Variants in FSCN3 observed in about 807,000 individuals in gnomAD.
FSCN3 encodes the protein fascin-3.
A neutral mutation model predicts 53.5 loss-of-function variants in FSCN3; 43 were observed. The observed-to-expected ratio is 0.80, with a 90% CI of 0.63 to 1.04. FSCN3 has a LOEUF of 1.04. Ranked by LOEUF, FSCN3 falls within the 50% of genes least tolerant of loss-of-function variation. The pLI is 0.00. For missense variants in FSCN3, 594 were observed against 646.5 expected (o/e 0.92, Z 0.88); for synonymous variants, 235 against 246.6 (o/e 0.95, Z 0.44).
chr7:127,594,083 AGTGTATGTGT>A (rs1794338836), intron 1 of FSCN3, 86 bp downstream of exon 1: 4 of 1,403,416 alleles, frequency 2.9e-6, no homozygotes, highest in African/African-American at 1.7e-5. Context: ...TGTGTGCGTG[AGTGTATGTGT>A]GTGTGTGTGT....
intron 6 of FSCN3, 44 bp downstream of exon 6, chr7:127,600,443 T>A: frequency 8.2e-7 from 1 of 1,223,082 alleles, no homozygotes; most frequent in Admixed American, 1.7e-5. Context: ...GCAGAAGCCA[T>A]GGGGCAAGAG....
chr7:127,596,211 T>C, intron 2 of FSCN3, 117 bp from the exon 3 acceptor site: 1 of 1,523,896 alleles, frequency 6.6e-7, no homozygotes, highest in East Asian at 2.3e-5. Context: ...AGACCTACCA[T>C]GGTCCAACAG....
rs1409910766 is a variant in FSCN3, at chr7:127,601,908, T to A, written c.*286T>A. On this transcript the variant is annotated 3_prime_UTR_variant, in exon 7 of 7. Coordinates refer to ENST00000265825, the MANE Select transcript of FSCN3 (RefSeq NM_020369.3). ...CAGGAGAGACCAAATGGCAAGCAGT[T>A]CTTCCACTGATCTTCCCCGTCCCCA... 6.6e-6 allele frequency: 1 copy of A among 152,244 alleles called. No individual in the cohort carries two copies. The highest frequency in any genetic ancestry group is 1.5e-5 in the Non-Finnish European group (1 of 68,066). 9.4% of individuals were successfully genotyped at this position (152,244 alleles called of 1,614,324 possible). A position where few individuals can be genotyped will look rare whatever the true frequency, so the allele number is the denominator to read the frequency against.
rs1794436572 is a variant in FSCN3 at position 127,599,370 on chromosome 7, A to G, written c.1121-11A>G. 6.2e-7 allele frequency: 1 copy of G among 1,609,366 alleles called. No individual in the cohort carries two copies. Among genetic ancestry groups the G allele is most frequent in the Non-Finnish European group, 8.5e-7 (1 of 1,176,216 alleles). On this transcript the variant is annotated splice_polypyrimidine_tract_variant and intron_variant, in intron 4 of 6. Coordinates refer to ENST00000265825, the MANE Select transcript of FSCN3 (RefSeq NM_020369.3). Reference sequence around the variant, plus strand: ...CAGCCCATCCAGATAACTCCTTCCTATTTCCTTCAGGCCCAAATGAGGAAT... The same window carrying G: ...CAGCCCATCCAGATAACTCCTTCCTGTTTCCTTCAGGCCCAAATGAGGAAT...
Position 127,598,575 on chromosome 7 carries a change from G to A in FSCN3, c.1101G>A (p.Met367Ile), listed in dbSNP as rs1360576712. 3 of 1,611,260 alleles carry A rather than the reference G, an allele frequency of 1.9e-6. No individual in the cohort carries two copies. Among genetic ancestry groups the A allele is most frequent in the Non-Finnish European group, 8.5e-7 (1 of 1,178,306 alleles). ...FLGIAPNSLLMANVILPGPNE... is the reference protein window; with the variant it reads ...FLGIAPNSLLIANVILPGPNE... ...GCATTGCACCCAACAGCCTGCTGATGGCCAATGTCATCCTTCCAGGTGAGT... is the reference window on the plus strand; with the variant it reads ...GCATTGCACCCAACAGCCTGCTGATAGCCAATGTCATCCTTCCAGGTGAGT... Residue 367 changes from methionine (M) to isoleucine (I), a missense_variant, in exon 4 of 7, where the codon ATG becomes ATA. Physicochemically the swap from Met to Ile is conservative, Grantham distance 10. Coordinates refer to ENST00000265825, the MANE Select transcript of FSCN3 (RefSeq NM_020369.3).
At chr7:127,600,426 T>C (rs1794456208) in intron 6 of FSCN3, 27 bp downstream of exon 6, 3 of 1,398,152 alleles carry the variant, frequency 2.1e-6, no homozygotes, top group Non-Finnish European at 3.0e-6. Context: ...GGTAAGGGGC[T>C]AGGGGAGCAG....
intron 4 of FSCN3, 97 bp from the exon 5 acceptor site, chr7:127,599,284 A>G: frequency 1.1e-6 from 1 of 873,224 alleles, no homozygotes; most frequent in Non-Finnish European, 1.9e-6. Context: ...TAAAATATTG[A>G]CCACACCCTT....
At chr7:127,598,787 C>T (rs1247719780) in intron 4 of FSCN3, among the ~76,000 whole-genome samples, 193 bp downstream of exon 4, 1 of 151,984 alleles carries the variant, frequency 6.6e-6, no homozygotes, top group Non-Finnish European at 1.5e-5. Flanking sequence ...ACGTGAAACC[C>T]CATCTCTACT....
chr7:127,596,573 A>G (rs141929867), intron 3 of FSCN3, 127 bp downstream of exon 3: 280 of 492,346 alleles, frequency 5.7e-4, no homozygotes, highest in Non-Finnish European at 8.0e-4. Flanking sequence ...TTGTTGATAA[A>G]CATTCATTTT....
intron 4 of FSCN3, among the ~76,000 whole-genome samples, chr7:127,599,038 T>A (rs1794431942): frequency 6.6e-6 from 1 of 151,996 alleles, no homozygotes; most frequent in Non-Finnish European, 1.5e-5. Context: ...ATTTTTGTCA[T>A]CACTTGAGCA....
chr7:127,596,193 T>C, intron 2 of FSCN3, 135 bp from the exon 3 acceptor site: 2 of 1,501,364 alleles, frequency 1.3e-6, no homozygotes, highest in Non-Finnish European at 1.8e-6. Flanking sequence ...GTTGCCTAGG[T>C]CTTCTCCAGA....
intron 3 of FSCN3, 60 bp downstream of exon 3, chr7:127,596,506 C>A: frequency 2.8e-6 from 2 of 719,590 alleles, no homozygotes; most frequent in South Asian, 1.8e-5. Context: ...CCTCCCTAGA[C>A]TTCCTTCTCC....
At chr7:127,599,906 C>G (rs1480578447) in intron 5 of FSCN3, among the ~76,000 whole-genome samples, 2 of 140,444 alleles carry the variant, frequency 1.4e-5, no homozygotes, top group African/African-American at 5.5e-5. Context: ...GATCACGCCA[C>G]AGCACTCCAG....
intron 6 of FSCN3, among the ~76,000 whole-genome samples, chr7:127,600,781 T>C (rs1487731196): frequency 6.6e-6 from 1 of 152,184 alleles, no homozygotes; most frequent in Non-Finnish European, 1.5e-5. Flanking sequence ...AAGATGTGCT[T>C]TCTATCCTTT....
Position 127,600,349 on chromosome 7 carries a change from C to T in FSCN3, c.1447C>T (p.Leu483=). The T allele has an allele frequency of 6.2e-7, 1 of 1,613,658 alleles. No individual in the cohort carries two copies. The highest frequency in any genetic ancestry group is 8.5e-7 in the Non-Finnish European group (1 of 1,179,528). Reference sequence around the variant, plus strand: ...CATGCGAGCCGACCAAAGTGGCACCCTGTTGGCAGACAGTGAAGACATTAC... The same window carrying T: ...CATGCGAGCCGACCAAAGTGGCACCTTGTTGGCAGACAGTGAAGACATTAC... ...FYMRADQSGT[L]LADSEDITRE... is the part of the protein sequence containing the mutation. Residue 483 remains leucine (L), a synonymous_variant, in exon 6 of 7, where the codon CTG becomes TTG. Coordinates refer to ENST00000265825, the MANE Select transcript of FSCN3 (RefSeq NM_020369.3).
chr7:127,600,329 G>C lies in FSCN3; in HGVS notation c.1427G>C (p.Arg476Pro). ...TVLAPNGFYM[R>P]ADQSGTLLAD... Reference sequence around the variant, plus strand: ...CTGGCCCCCAATGGCTTCTACATGCGAGCCGACCAAAGTGGCACCCTGTTG... The same window carrying C: ...CTGGCCCCCAATGGCTTCTACATGCCAGCCGACCAAAGTGGCACCCTGTTG... Residue 476 changes from arginine to proline, a missense_variant, in exon 6 of 7, where the codon CGA becomes CCA. Coordinates refer to ENST00000265825, the MANE Select transcript of FSCN3 (RefSeq NM_020369.3). 6.2e-7 allele frequency: 1 copy of C among 1,613,418 alleles called. No homozygotes were observed. Among genetic ancestry groups the C allele is most frequent in the Non-Finnish European group, 8.5e-7 (1 of 1,179,316 alleles).
intron 1 of FSCN3, chr7:127,595,085 C>T (rs1794363481): frequency 5.0e-6 from 3 of 597,454 alleles, no homozygotes; most frequent in Non-Finnish European, 8.9e-6. Flanking sequence ...TTGGATAGTG[C>T]CATCTGGCTG....
At chr7:127,598,289 A>G in intron 3 of FSCN3, 146 bp from the exon 4 acceptor site, 1 of 737,708 alleles carries the variant, frequency 1.4e-6, no homozygotes, top group South Asian at 1.5e-5. Context: ...ACATCTTCCA[A>G]AAAGGTTCTG....
chr7:127,594,066 G>T, intron 1 of FSCN3, 69 bp downstream of exon 1: 1 of 1,530,380 alleles, frequency 6.5e-7, no homozygotes, highest in East Asian at 2.4e-5. Flanking sequence ...GTGTGCGCGC[G>T]CGCGTGTGTG....
Sources: gnomAD v4.1 joint callset for allele counts (sites outside exome capture counted in the v4.1 genomes callset) on GRCh38, gnomAD v4.1.1 for gene constraint, MANE v1.5 for transcripts, NCBI Gene and HGNC (gene_info 2026-07-23, HGNC 2026-07-21) for gene names.